Variants in DOCK4 observed in about 807,000 individuals in gnomAD.
The protein encoded by DOCK4 is dedicator of cytokinesis 4.
DOCK4 carries 97 observed loss-of-function variants against 268.1 expected under a neutral mutation model. The ratio of observed to expected loss-of-function variants is 0.36; its 90% CI spans 0.31 to 0.43. The LOEUF is 0.43. DOCK4 is among the 20% of genes least tolerant of loss of function. DOCK4 has a pLI of 1.00. For missense variants in DOCK4, 2,145 were observed against 2,455.7 expected, an observed-to-expected ratio of 0.87 and a Z score of 2.67; for synonymous variants, 954 against 887.2, an observed-to-expected ratio of 1.08 and a Z score of -1.34.
At chr7:111,847,741 T>G (rs754586154) in intron 23 of DOCK4, among the ~76,000 whole-genome samples, 27 of 152,226 alleles carry the variant, frequency 1.8e-4, no homozygotes, top group Non-Finnish European at 3.5e-4. Flanking sequence ...CCGCCATGAT[T>G]GTGAGGCCTT....
chr7:111,830,403 G>A (rs772674921), intron 26 of DOCK4, among the ~76,000 whole-genome samples: 5 of 151,648 alleles, frequency 3.3e-5, no homozygotes, highest in Non-Finnish European at 5.9e-5. Context: ...TCCAGCCTGG[G>A]CGACAGAGCG....
intron 26 of DOCK4, among the ~76,000 whole-genome samples, chr7:111,828,226 C>CA (rs1476669439): frequency 2.6e-5 from 4 of 152,022 alleles, no homozygotes; most frequent in Non-Finnish European, 4.4e-5. Context: ...TACAGAGTAC[C>CA]AGCCCTCAGG....
intron 26 of DOCK4, among the ~76,000 whole-genome samples, chr7:111,824,473 T>A (rs1183958341): frequency 6.6e-6 from 1 of 152,132 alleles, no homozygotes. Context: ...ACAGTACAAA[T>A]AAATTCTAAC....
intron 30 of DOCK4, among the ~76,000 whole-genome samples, chr7:111,799,846 A>G (rs1235749467): frequency 1.3e-5 from 2 of 152,216 alleles, no homozygotes; most frequent in African/African-American, 2.4e-5. Context: ...AAGTAAAGAA[A>G]TAATTTTATA....
At chr7:112,192,453 T>C (rs746405083) in intron 1 of DOCK4, among the ~76,000 whole-genome samples, 1 of 151,866 alleles carries the variant, frequency 6.6e-6, no homozygotes, top group Non-Finnish European at 1.5e-5. Flanking sequence ...AAGTTCTGAG[T>C]CTTCCAGGAT....
intron 1 of DOCK4, among the ~76,000 whole-genome samples, chr7:112,109,783 C>T (rs1023405362): frequency 1.4e-5 from 2 of 142,968 alleles, no homozygotes; most frequent in African/African-American, 5.3e-5. Context: ...CTCGCTCTGT[C>T]GCCCAGGCTG....
At chr7:111,877,872 T>A (rs1324265330) in intron 16 of DOCK4, among the ~76,000 whole-genome samples, 1 of 152,202 alleles carries the variant, frequency 6.6e-6, no homozygotes, top group East Asian at 1.9e-4. Context: ...GTTCATATGA[T>A]GCCAATGTAG....
intron 30 of DOCK4, among the ~76,000 whole-genome samples, chr7:111,796,176 C>T (rs139614859): frequency 4.9e-4 from 75 of 152,258 alleles, no homozygotes; most frequent in Middle Eastern, 3.4e-3. Context: ...TCACAGGAGG[C>T]GGGCTGATTT....
intron 1 of DOCK4, among the ~76,000 whole-genome samples, chr7:112,082,474 G>C (rs1298287602): frequency 6.6e-6 from 1 of 152,128 alleles, no homozygotes. Flanking sequence ...CCTTTACTGG[G>C]GGATAATAGG....
intron 26 of DOCK4, among the ~76,000 whole-genome samples, chr7:111,828,364 C>T (rs963174582): frequency 6.6e-6 from 1 of 152,088 alleles, no homozygotes; most frequent in Non-Finnish European, 1.5e-5. Flanking sequence ...CAGCAGTAAC[C>T]CTGGAGGCAT....
chr7:111,969,504 T>C (rs1169093070), intron 8 of DOCK4, among the ~76,000 whole-genome samples: 1 of 151,814 alleles, frequency 6.6e-6, no homozygotes, highest in Non-Finnish European at 1.5e-5. Context: ...AAGGGCTACA[T>C]TGAAAGAAAC....
intron 1 of DOCK4, among the ~76,000 whole-genome samples, chr7:112,168,466 G>C (rs886255093): frequency 6.6e-6 from 1 of 152,164 alleles, no homozygotes; most frequent in African/African-American, 2.4e-5. Flanking sequence ...CAGCACTCTG[G>C]GATGCCAAAG....
chr7:111,788,680 C>A lies in DOCK4; in HGVS notation c.3383G>T (p.Arg1128Leu). 1 of 1,587,546 alleles carries A rather than the reference C, an allele frequency of 6.3e-7. No individual in the cohort carries two copies. The change falls in exon 32 of 53, where the codon CGC becomes CTC. Residue 1128 changes from arginine (R) to leucine (L), a missense_variant. Arg to Leu is a moderately radical substitution (Grantham distance 102). Coordinates refer to ENST00000428084, the MANE Select transcript of DOCK4 (RefSeq NM_001363540.2). ...TACTCACATACTGTTGAAGAGCTCG[C>A]GGTATGTTTCGTCACCTTTGCCTTC... ...MSEGKGDETYRELFNSIIPLF... is the reference protein window; with the variant it reads ...MSEGKGDETYLELFNSIIPLF...
intron 27 of DOCK4, among the ~76,000 whole-genome samples, chr7:111,813,093 T>G (rs1343111433): frequency 6.6e-6 from 1 of 152,202 alleles, no homozygotes; most frequent in African/African-American, 2.4e-5. Context: ...AAAGCAAGAT[T>G]AGCCACCCCT....
chr7:111,768,285 C>T (rs182402039), intron 37 of DOCK4, among the ~76,000 whole-genome samples: 1 of 152,198 alleles, frequency 6.6e-6, no homozygotes, highest in African/African-American at 2.4e-5. Flanking sequence ...AGAGTTTGCA[C>T]CACTTTATCC....
intron 26 of DOCK4, among the ~76,000 whole-genome samples, chr7:111,833,026 C>T (rs1386515796): frequency 2.0e-5 from 3 of 152,082 alleles, no homozygotes; most frequent in African/African-American, 7.2e-5. Context: ...TTTTTAATTC[C>T]CAGGCTCCAT....
intron 1 of DOCK4, among the ~76,000 whole-genome samples, chr7:112,162,439 A>G (rs1699208745): frequency 6.6e-6 from 1 of 152,068 alleles, no homozygotes; most frequent in Admixed American, 6.6e-5. Context: ...TGACCCAAGC[A>G]GGACCTGTGC....
At chr7:112,195,582 G>A (rs907590727) in intron 1 of DOCK4, among the ~76,000 whole-genome samples, 2 of 151,668 alleles carry the variant, frequency 1.3e-5, no homozygotes, top group Non-Finnish European at 1.5e-5. Flanking sequence ...AGTGAATAAT[G>A]TTTCATCCAG....
chr7:112,032,033 C>A (rs766787483), intron 1 of DOCK4, among the ~76,000 whole-genome samples: 1 of 152,124 alleles, frequency 6.6e-6, no homozygotes, highest in East Asian at 1.9e-4. Flanking sequence ...CAAGTACAAG[C>A]GCTGAATCCA....
Sources: gnomAD v4.1 joint callset for allele counts (sites outside exome capture counted in the v4.1 genomes callset) on GRCh38, gnomAD v4.1.1 for gene constraint, MANE v1.5 for transcripts, NCBI Gene and HGNC (gene_info 2026-07-23, HGNC 2026-07-21) for gene names.